The following CPNE8 variants were observed in gnomAD, a reference collection of about 807,000 sequenced individuals.
CPNE8 encodes the protein copine 8, also known as copine-8.
Under a neutral mutation model 81.5 loss-of-function variants are expected in CPNE8, and 45 were observed. The ratio of observed to expected loss-of-function variants is 0.55; its 90% CI spans 0.44 to 0.71. The LOEUF (loss-of-function observed/expected upper bound fraction) is 0.71. Among genes scored for constraint, CPNE8 ranks in the 30% least tolerant of loss-of-function variants. CPNE8 has a pLI of 0.00. For synonymous variants in CPNE8, 252 were observed against 226.3 expected (o/e 1.11, Z -1.02); for missense variants, 594 against 672.1 (o/e 0.88, Z 1.28).
At chr12:38,875,647 T>C (rs763297401) in intron 1 of CPNE8, among the ~76,000 whole-genome samples, 32 of 152,182 alleles carry the variant, frequency 2.1e-4, no homozygotes, top group Non-Finnish European at 4.1e-4. Context: ...ATTGCCGCCA[T>C]TGAATCACTA....
chr12:38,722,121 G>A (rs1940579947), intron 13 of CPNE8, among the ~76,000 whole-genome samples: 1 of 152,108 alleles, frequency 6.6e-6, no homozygotes. Context: ...CAGAAAAAGC[G>A]GCACCCCAAA....
At chr12:38,767,869 C>T (rs146660255) in intron 7 of CPNE8, 131 bp from the exon 8 acceptor site, 23 of 508,840 alleles carry the variant, frequency 4.5e-5, no homozygotes, top group African/African-American at 4.4e-4. Context: ...GGGAGAATCC[C>T]AGACAACATA....
At chr12:38,897,504 C>G (rs545496471) in intron 1 of CPNE8, among the ~76,000 whole-genome samples, 2 of 151,960 alleles carry the variant, frequency 1.3e-5, no homozygotes, top group African/African-American at 2.4e-5. Flanking sequence ...TAATAGAATA[C>G]TGCACAGACA....
rs58353662 is a variant in CPNE8, at chr12:38,725,420, G to A, written c.799-521C>T. Reference sequence around the variant, plus strand: ...TTTGTAGACATAAGATTGGCCTTTCGACTATTTGATCCATAAGTAAATAAG... The same window carrying A: ...TTTGTAGACATAAGATTGGCCTTTCAACTATTTGATCCATAAGTAAATAAG... On this transcript the variant is annotated intron_variant, in intron 11 of 19. Coordinates refer to ENST00000331366, the MANE Select transcript of CPNE8 (RefSeq NM_153634.3). Among the ~76,000 whole-genome samples, 4,689 of 152,136 alleles carry A rather than the reference G, an allele frequency of 0.031. 327 individuals are homozygous for A. In the East Asian group the frequency reaches 0.33, roughly 11 times the overall value.
At chr12:38,780,535 T>C (rs529604575) in intron 6 of CPNE8, among the ~76,000 whole-genome samples, 1 of 152,030 alleles carries the variant, frequency 6.6e-6, no homozygotes, top group Admixed American at 6.6e-5. Flanking sequence ...AGATTTACAC[T>C]TGGGCACATG....
Position 38,858,721 on chromosome 12 carries a change from C to T in CPNE8, c.187-10059G>A, listed in dbSNP as rs138898389. On this transcript the variant is annotated intron_variant, in intron 3 of 19. Coordinates refer to ENST00000331366, the MANE Select transcript of CPNE8 (RefSeq NM_153634.3). ...TCCTCAATTTGGTCTAGTGTCTAAG[C>T]CTCACCTCTGGAGTTGAGTCCCAAC... Among the ~76,000 whole-genome samples the T allele has an allele frequency of 3.1e-3, 467 of 152,254 alleles. 5 individuals are homozygous for T. Among genetic ancestry groups the T allele is most frequent in the African/African-American group, 0.01 (432 of 41,542 alleles).
rs184736951 is a variant in CPNE8, at chr12:38,876,689, T to C, written c.99-2178A>G. On this transcript the variant is annotated intron_variant, in intron 1 of 19. Coordinates refer to ENST00000331366, the MANE Select transcript of CPNE8 (RefSeq NM_153634.3). ...CATAGTCTGAAATTTGCAATTTAAC[T>C]TTCCAATTATATTTGGTAATAATTT... Among the ~76,000 whole-genome samples, 32 of 152,358 alleles carry C rather than the reference T, an allele frequency of 2.1e-4. 1 individual carries two copies. In the East Asian group the frequency reaches 5.6e-3, roughly 27 times the overall value.
chr12:38,884,611 T>A (rs1291297015), intron 1 of CPNE8, among the ~76,000 whole-genome samples: 5 of 152,182 alleles, frequency 3.3e-5, no homozygotes, highest in Non-Finnish European at 5.9e-5. Context: ...ACTGCCAAAC[T>A]ATTTTCCAAA....
intron 6 of CPNE8, among the ~76,000 whole-genome samples, chr12:38,777,551 C>T (rs1290913165): frequency 6.6e-6 from 1 of 152,160 alleles, no homozygotes; most frequent in Non-Finnish European, 1.5e-5. Flanking sequence ...GCCTCACATT[C>T]ACTCACCACT....
At chr12:38,723,888 C>T (rs572116147) in intron 12 of CPNE8, 55 bp from the exon 13 acceptor site, 1 of 951,142 alleles carries the variant, frequency 1.1e-6, no homozygotes, top group East Asian at 2.4e-5. Context: ...CCAAATAGAC[C>T]TTTCTAATTA....
chr12:38,813,558 G>A (rs1445580785), intron 6 of CPNE8, among the ~76,000 whole-genome samples: 2 of 152,182 alleles, frequency 1.3e-5, no homozygotes, highest in Non-Finnish European at 2.9e-5. Flanking sequence ...GTGGGCAGTT[G>A]TGCCAAGGGG....
At chr12:38,805,548 T>C (rs1232261795) in intron 6 of CPNE8, among the ~76,000 whole-genome samples, 1 of 108,604 alleles carries the variant, frequency 9.2e-6, no homozygotes, top group Non-Finnish European at 1.9e-5. Flanking sequence ...CATTGGGAGA[T>C]ATACCTAATG....
chr12:38,761,116 T>C (rs1349631231), intron 9 of CPNE8, among the ~76,000 whole-genome samples: 1 of 152,206 alleles, frequency 6.6e-6, no homozygotes, highest in Non-Finnish European at 1.5e-5. Flanking sequence ...AAGGAGAGTC[T>C]ACAGGGGAAG....
At chr12:38,768,369 G>A (rs1444375756) in intron 7 of CPNE8, among the ~76,000 whole-genome samples, 2 of 151,992 alleles carry the variant, frequency 1.3e-5, no homozygotes, top group African/African-American at 4.8e-5. Flanking sequence ...ACCAATTTAT[G>A]TACTCAAACA....
At chr12:38,900,610 G>A (rs907538364) in intron 1 of CPNE8, among the ~76,000 whole-genome samples, 5 of 152,176 alleles carry the variant, frequency 3.3e-5, no homozygotes, top group Non-Finnish European at 5.9e-5. Context: ...GAAGGGGAAG[G>A]GAGGTAGGGC....
chr12:38,805,338 AT>A (rs1263974237), intron 6 of CPNE8, among the ~76,000 whole-genome samples: 1 of 19,510 alleles, frequency 5.1e-5, no homozygotes, highest in East Asian at 1.6e-3. Flanking sequence ...GCCATAAAAA[AT>A]GATGAGTTCA....
chr12:38,689,586 C>T (rs1939622150), intron 15 of CPNE8, among the ~76,000 whole-genome samples: 1 of 152,090 alleles, frequency 6.6e-6, no homozygotes, highest in South Asian at 2.1e-4. Flanking sequence ...GTGTTAAAGA[C>T]TCTTAGTTAT....
At chr12:38,748,227 T>C (rs1182088760) in intron 10 of CPNE8, among the ~76,000 whole-genome samples, 1 of 151,778 alleles carries the variant, frequency 6.6e-6, no homozygotes, top group African/African-American at 2.4e-5. Flanking sequence ...GCCAGGCTGG[T>C]CTCCAATTCC....
chr12:38,847,163 A>C (rs573756534), intron 4 of CPNE8, among the ~76,000 whole-genome samples: 7 of 152,166 alleles, frequency 4.6e-5, no homozygotes, highest in Non-Finnish European at 8.8e-5. Flanking sequence ...TATATCACTT[A>C]AAGTTTGCAA....
Sources: gnomAD v4.1 joint callset for allele counts (sites outside exome capture counted in the v4.1 genomes callset) on GRCh38, gnomAD v4.1.1 for gene constraint, MANE v1.5 for transcripts, NCBI Gene and HGNC (gene_info 2026-07-23, HGNC 2026-07-21) for gene names.